Variants in NOVA1 observed in about 807,000 individuals in gnomAD.
NOVA1 encodes RNA-binding protein Nova-1.
In NOVA1, 7 loss-of-function variants were observed where a neutral mutation model predicts 38.0. The observed-to-expected ratio is 0.18, with a 90% CI of 0.10 to 0.35. The LOEUF (loss-of-function observed/expected upper bound fraction) is 0.35, where lower values mean the gene tolerates loss of function less well. NOVA1 is among the 10% of genes least tolerant of loss of function. The pLI is 1.00. For synonymous variants in NOVA1, 270 were observed against 232.5 expected, an observed-to-expected ratio of 1.16 and a Z score of -1.47; for missense variants, 460 against 616.0, an observed-to-expected ratio of 0.75 and a Z score of 2.68.
chr14:26,516,027 G>C (rs1283139175), intron 2 of NOVA1, among the ~76,000 whole-genome samples: 3 of 152,108 alleles, frequency 2.0e-5, no homozygotes, highest in African/African-American at 4.8e-5. Context: ...ACCTGTTTAT[G>C]AGAGTTAATC....
At chr14:26,551,128 G>T (rs955117265) in intron 2 of NOVA1, among the ~76,000 whole-genome samples, 8 of 151,910 alleles carry the variant, frequency 5.3e-5, no homozygotes, top group African/African-American at 1.7e-4. Flanking sequence ...GATTTTGTTA[G>T]GTTTTAAAGG....
chr14:26,580,058 C>T (rs1055753730), intron 2 of NOVA1, among the ~76,000 whole-genome samples: 2 of 151,490 alleles, frequency 1.3e-5, no homozygotes, highest in Admixed American at 6.6e-5. Flanking sequence ...CTGCACTGCA[C>T]CAGCTAAAAA....
chr14:26,518,970 A>G (rs2138493527), intron 2 of NOVA1, among the ~76,000 whole-genome samples: 1 of 152,190 alleles, frequency 6.6e-6, no homozygotes, highest in South Asian at 2.1e-4. Flanking sequence ...CTATGGTACT[A>G]TAGAGTTGCT....
intron 2 of NOVA1, among the ~76,000 whole-genome samples, chr14:26,530,110 G>T (rs995545296): frequency 6.6e-6 from 1 of 152,080 alleles, no homozygotes; most frequent in Admixed American, 6.5e-5. Flanking sequence ...TAGCAGAGAC[G>T]GGGTTTCACA....
intron 2 of NOVA1, among the ~76,000 whole-genome samples, chr14:26,508,239 T>C (rs1841780260): frequency 6.6e-6 from 1 of 152,104 alleles, no homozygotes; most frequent in Non-Finnish European, 1.5e-5. Flanking sequence ...ATAACATTTT[T>C]GATTTTTTAG....
In NOVA1 at chr14:26,495,574, A is replaced by C. The variant is rs547346940; in HGVS notation, c.281-15431T>G. ...GGTTAGTTACATATGTATACATGTG[A>C]CATGCTGGTGCGCTGCACCCACTAA... On this transcript the variant is annotated intron_variant, in intron 2 of 4. Transcript: ENST00000539517. 9.6e-4 allele frequency among the ~76,000 whole-genome samples: 140 copies of C among 146,446 alleles called. 1 individual carries two copies. The highest frequency in any genetic ancestry group is 3.6e-3 in the African/African-American group (138 of 38,068).
In NOVA1 at chr14:26,596,560, G is replaced by C. The variant is rs1010413207; in HGVS notation, c.136+741C>G. On this transcript the variant is annotated intron_variant, in intron 1 of 4. Transcript: ENST00000539517. The stretch of plus-strand genomic sequence containing the variant: ...CCATCCGTCTACAATGCATATGCTG[G>C]AGATAAATTCACCTCTGCTTCGATG... 3 of 1,288,954 alleles carry C rather than the reference G, an allele frequency of 2.3e-6. No individual in the cohort carries two copies. In the African/African-American group the frequency reaches 4.6e-5, roughly 20 times the overall value. 79.8% of individuals were successfully genotyped at this position (1,288,954 alleles called of 1,614,324 possible).
intron 2 of NOVA1, chr14:26,592,875 C>A (rs1291608498): frequency 6.6e-6 from 1 of 151,632 alleles, no homozygotes; most frequent in African/African-American, 2.4e-5. Flanking sequence ...TTTCCGAAAA[C>A]ACACTAGTAT....
chr14:26,461,519 T>C (rs970641029), intron 4 of NOVA1, among the ~76,000 whole-genome samples: 4 of 152,066 alleles, frequency 2.6e-5, no homozygotes, highest in Non-Finnish European at 5.9e-5. Context: ...ATAGACTACC[T>C]ACACTACAGC....
chr14:26,467,967 T>C (rs1884275194), intron 4 of NOVA1, among the ~76,000 whole-genome samples: 1 of 152,186 alleles, frequency 6.6e-6, no homozygotes, highest in African/African-American at 2.4e-5. Flanking sequence ...TGTTACAACC[T>C]GTACAATCTT....
rs748892488 is a variant in NOVA1 at position 26,448,521 on chromosome 14, G to A, written c.962C>T (p.Thr321Ile). ...GAGATTATATCCATAGCTGGCTAAT[G>A]TATTAAGTGCAGAGGTGATGGCCAC... ...DLVAITSALN[T>I]LASYGYNLNT... The change falls in exon 5 of 5, where the codon ACA (threonine) becomes ATA (isoleucine). Residue 321 changes from threonine to isoleucine, a missense_variant. Thr to Ile is a moderately conservative substitution (Grantham distance 89, BLOSUM62 -1). Coordinates refer to ENST00000539517, the MANE Select transcript of NOVA1 (RefSeq NM_002515.3). The surrounding 1 kb of genome is among the most constrained non-coding windows in gnomAD (Gnocchi z 5.3). 6.2e-7 allele frequency: 1 copy of A among 1,614,186 alleles called. No individual in the cohort carries two copies. The highest frequency in any genetic ancestry group is 8.5e-7 in the Non-Finnish European group (1 of 1,180,044).
intron 2 of NOVA1, among the ~76,000 whole-genome samples, chr14:26,481,993 A>T (rs1198095771): frequency 6.7e-5 from 2 of 29,684 alleles, no homozygotes; most frequent in African/African-American, 9.4e-5. Flanking sequence ...AGAGATAAAA[A>T]AAAAAAAAAA....
At chr14:26,556,670 A>C (rs1891498380) in intron 2 of NOVA1, among the ~76,000 whole-genome samples, 1 of 152,174 alleles carries the variant, frequency 6.6e-6, no homozygotes, top group South Asian at 2.1e-4. Context: ...TTAAAATTAA[A>C]ACTTCTGCTC....
At chr14:26,559,830 C>A (rs1350014760) in intron 2 of NOVA1, among the ~76,000 whole-genome samples, 2 of 151,808 alleles carry the variant, frequency 1.3e-5, no homozygotes, top group African/African-American at 4.8e-5. Context: ...CTTTAGTAAC[C>A]TTTTGTATAT....
At position 26,565,351 on chromosome 14, in the gene NOVA1, C is replaced by G. The variant is rs149702321; in HGVS notation, c.280+30059G>C. ...CTGGTATCTCACAGTGCCTAGAAGT[C>G]TATCGCCCATCCCATCCTTCAAAGT... On this transcript the variant is annotated intron_variant, in intron 2 of 4. Transcript: ENST00000539517. 9.5e-4 allele frequency among the ~76,000 whole-genome samples: 145 copies of G among 152,228 alleles called. 1 individual carries two copies. The East Asian group carries it at 0.025, about 26-fold the overall frequency.
intron 4 of NOVA1, among the ~76,000 whole-genome samples, chr14:26,456,675 C>A (rs951538657): frequency 6.6e-6 from 1 of 151,762 alleles, no homozygotes; most frequent in South Asian, 2.1e-4. Context: ...TAGTATTCAT[C>A]AAATTTTGAA....
rs1211198231 is a variant in NOVA1, at chr14:26,448,760, T to C, written c.723A>G (p.Ile241Met). The C allele has an allele frequency of 6.2e-7, 1 of 1,614,082 alleles. No individual in the cohort carries two copies. The highest frequency in any genetic ancestry group is 8.5e-7 in the Non-Finnish European group (1 of 1,180,044). ...AGCTGCCACTTTGTGGATCCTCTTGTATCTTCTGGATGATAAGTTCAACAG... is the reference window on the plus strand; with the variant it reads ...AGCTGCCACTTTGTGGATCCTCTTGCATCTTCTGGATGATAAGTTCAACAG... Reference protein sequence around the residue: ...RKAVELIIQKIQEDPQSGSCL... With the variant: ...RKAVELIIQKMQEDPQSGSCL... Residue 241 changes from isoleucine to methionine, a missense_variant, in exon 5 of 5, where the codon ATA becomes ATG. By Grantham distance (10) the Ile-to-Met change is conservative. Coordinates refer to ENST00000539517, the MANE Select transcript of NOVA1 (RefSeq NM_002515.3). This position sits in a 1 kb window ranked among gnomAD's most constrained non-coding sequence, Gnocchi z 5.3.
intron 4 of NOVA1, among the ~76,000 whole-genome samples, chr14:26,461,486 G>T (rs1398059547): frequency 1.3e-5 from 2 of 152,032 alleles, no homozygotes; most frequent in South Asian, 4.1e-4. Flanking sequence ...AGGGAGATCC[G>T]ATTCCCGTCA....
At chr14:26,464,968 T>A (rs965712391) in intron 4 of NOVA1, among the ~76,000 whole-genome samples, 2 of 151,970 alleles carry the variant, frequency 1.3e-5, no homozygotes, top group African/African-American at 4.8e-5. Context: ...CCACAGGAAA[T>A]TACAATCAAA....
Sources: allele counts gnomAD v4.1 joint callset (sites outside exome capture counted in the v4.1 genomes callset), GRCh38; gene constraint gnomAD v4.1.1; non-coding constraint Gnocchi (gnomAD v3.1); transcripts MANE v1.5; gene names NCBI Gene and HGNC (gene_info 2026-07-23, HGNC 2026-07-21).